EVC2: variants seen among roughly 807,000 people sequenced by gnomAD.
EVC2 encodes the protein EvC ciliary complex subunit 2.
EVC2 carries 148 observed loss-of-function variants against 149.3 expected under a neutral mutation model. That is an observed-to-expected ratio of 0.99 (90% confidence interval 0.87 to 1.14). The LOEUF (loss-of-function observed/expected upper bound fraction) is 1.14. EVC2 is among the 50% of genes most tolerant of loss of function. The pLI is 0.00. For synonymous variants in EVC2, 776 were observed against 649.9 expected, an observed-to-expected ratio of 1.19 and a Z score of -2.95; for missense variants, 1,854 against 1,627.3, an observed-to-expected ratio of 1.14 and a Z score of -2.40.
chr4:5,553,888 A>G (rs1402051660), intron 21 of EVC2, among the ~76,000 whole-genome samples: 1 of 152,232 alleles, frequency 6.6e-6, no homozygotes, highest in Non-Finnish European at 1.5e-5. Flanking sequence ...ATCCCCAGGC[A>G]TGCAAAGAAG....
chr4:5,688,285 G>A (rs1338493585), intron 5 of EVC2, among the ~76,000 whole-genome samples: 1 of 152,142 alleles, frequency 6.6e-6, no homozygotes, highest in Non-Finnish European at 1.5e-5. Context: ...GATGTGTGCC[G>A]TGAGTACGGA....
intron 16 of EVC2, among the ~76,000 whole-genome samples, chr4:5,599,753 C>T (rs1349260403): frequency 2.6e-5 from 4 of 152,074 alleles, no homozygotes; most frequent in South Asian, 2.1e-4. Context: ...CCCATTCTAG[C>T]GGCTGGTCCT....
chr4:5,615,332 A>C lies in EVC2; in HGVS notation c.2829+90T>G. 1.9e-6 allele frequency: 3 copies of C among 1,593,606 alleles called. No homozygotes were observed. The East Asian group carries it at 6.8e-5, about 36-fold the overall frequency. On this transcript the variant is annotated intron_variant, in intron 16 of 21. Transcript: ENST00000344408. ...GGGTGGAGATGGATGGCACAGCCCC[A>C]AGGGCTCTGTGTGCCTGCAAATGTG...
rs1712273734 is a variant in EVC2, at chr4:5,586,309, AG to A, written c.2830-1460del. Among the ~76,000 whole-genome samples the A allele has an allele frequency of 3.9e-5, 6 of 151,928 alleles. No individual in the cohort carries two copies. The South Asian group carries it at 8.3e-4, about 21-fold the overall frequency. ...GTTTTGTTATTTTAGTGGCTGCTTT[AG>A]GGTTTATAGTACACATCTTTGACTT... On this transcript the variant is annotated intron_variant, in intron 16 of 21. Transcript: ENST00000344408.
At chr4:5,554,116 A>G (rs1721789250) in intron 21 of EVC2, among the ~76,000 whole-genome samples, 1 of 152,226 alleles carries the variant, frequency 6.6e-6, no homozygotes, top group Non-Finnish European at 1.5e-5. Flanking sequence ...ACATGTTAAG[A>G]GCTGGGAAGT....
intron 10 of EVC2, among the ~76,000 whole-genome samples, chr4:5,632,993 G>A (rs1716663700): frequency 6.6e-6 from 1 of 152,192 alleles, no homozygotes; most frequent in African/African-American, 2.4e-5. Context: ...AGCTGAGGGT[G>A]TCTTGATGAT....
At chr4:5,584,511 C>G (rs905631528) in intron 17 of EVC2, 112 bp downstream of exon 17, 4 of 1,124,882 alleles carry the variant, frequency 3.6e-6, no homozygotes, top group Non-Finnish European at 3.9e-6. Context: ...CACCACAACC[C>G]CACAGCACAG....
Position 5,708,339 on chromosome 4 carries a change from C to G in EVC2, c.175G>C (p.Gly59Arg), listed in dbSNP as rs947670023. ...CTCCGCCCCGGAGGGATCCTCAGGCCGGGCCCAGACCTAGGAGCCACCTGG... is the reference window on the plus strand; with the variant it reads ...CTCCGCCCCGGAGGGATCCTCAGGCGGGGCCCAGACCTAGGAGCCACCTGG... Reference protein sequence around the residue: ...DPQVAPRSGPGLRIPPGRSGA... With the variant: ...DPQVAPRSGPRLRIPPGRSGA... Residue 59 changes from glycine (G) to arginine (R), a missense_variant, in exon 1 of 22, where the codon GGC becomes CGC. Transcript: ENST00000344408. 30 of 1,474,844 alleles carry G rather than the reference C, an allele frequency of 2.0e-5. No homozygotes were observed. Among genetic ancestry groups the G allele is most frequent in the Non-Finnish European group, 2.1e-5 (23 of 1,118,838 alleles). The allele number at this position is 1,474,844 out of a possible 1,614,324, so 91.4% of individuals were successfully genotyped here. A position where few individuals can be genotyped will look rare whatever the true frequency, so the allele number is the denominator to read the frequency against.
the EVC2 span, among the ~76,000 whole-genome samples, chr4:5,531,257 A>T: frequency 6.6e-6 from 1 of 152,156 alleles, no homozygotes; most frequent in Non-Finnish European, 1.5e-5. Flanking sequence ...GCTCCAGGGA[A>T]ACAGAACCAA....
intron 21 of EVC2, among the ~76,000 whole-genome samples, chr4:5,554,529 G>A (rs1721797335): frequency 6.6e-6 from 1 of 152,206 alleles, no homozygotes; most frequent in Non-Finnish European, 1.5e-5. Context: ...CTGGGAGAAA[G>A]AGTAGAAAAG....
rs1719032726 is a variant in EVC2 at position 5,663,346 on chromosome 4, AC to A, written c.1006-101del. The A allele has an allele frequency of 3.3e-6, 5 of 1,524,958 alleles. No homozygotes were observed. The Admixed American group carries it at 6.7e-5, about 21-fold the overall frequency. The allele number at this position is 1,524,958 out of a possible 1,614,324, so 94.5% of individuals were successfully genotyped here. A position where few individuals can be genotyped will look rare whatever the true frequency, so the allele number is the denominator to read the frequency against. On this transcript the variant is annotated intron_variant, in intron 8 of 21. Coordinates refer to ENST00000344408, the MANE Select transcript of EVC2 (RefSeq NM_147127.5). ...AAGGCCAGGGGTCTGCAGTCTGAGC[AC>A]CCAATCAGCCCCACCACTGTGACCA...
At chr4:5,534,371 G>C in the EVC2 span, among the ~76,000 whole-genome samples, 2 of 152,188 alleles carry the variant, frequency 1.3e-5, no homozygotes, top group Non-Finnish European at 2.9e-5. Context: ...GGATGGATGG[G>C]TGGATAGATG....
At position 5,563,045 on chromosome 4, in the gene EVC2, G is replaced by C. The variant is rs1313437564; in HGVS notation, c.3730C>G (p.Leu1244Val). The C allele has an allele frequency of 6.2e-7, 1 of 1,614,194 alleles. No individual in the cohort carries two copies. The highest frequency in any genetic ancestry group is 1.1e-5 in the South Asian group (1 of 91,088). Residue 1244 changes from leucine to valine, a missense_variant, in exon 22 of 22, where the codon CTG (leucine) becomes GTG (valine). Coordinates refer to ENST00000344408, the MANE Select transcript of EVC2 (RefSeq NM_147127.5). ...IFSGKGSWPHLSLEPIGELAP... is the reference protein window; with the variant it reads ...IFSGKGSWPHVSLEPIGELAP... ...AGTTCGCCAATGGGCTCCAGTGACA[G>C]GTGTGGCCAACTTCCTTTTCCAGAG...
intron 9 of EVC2, among the ~76,000 whole-genome samples, chr4:5,647,025 G>C (rs1172525494): frequency 6.6e-6 from 1 of 152,202 alleles, no homozygotes; most frequent in African/African-American, 2.4e-5. Flanking sequence ...TGCCACCTGT[G>C]GGGTAGAAAT....
rs1716698419 is a variant in EVC2 at position 5,633,562 on chromosome 4, G to A, written c.1471-1530C>T. Among the ~76,000 whole-genome samples, 1 of 152,226 alleles carries A rather than the reference G, an allele frequency of 6.6e-6. No homozygotes were observed. Among genetic ancestry groups the A allele is most frequent in the Non-Finnish European group, 1.5e-5 (1 of 68,034 alleles). ...TCTGAAACCACTCAAGGCAGTGACA[G>A]TGGAGCTTGTTGGTGAAGCGAAGGC... On this transcript the variant is annotated intron_variant, in intron 10 of 21. Transcript: ENST00000344408. The surrounding 1 kb of genome is among the most constrained non-coding windows in gnomAD (Gnocchi z 4.4).
intron 1 of EVC2, among the ~76,000 whole-genome samples, chr4:5,701,241 G>A (rs763278472): frequency 2.0e-5 from 3 of 152,040 alleles, no homozygotes; most frequent in Non-Finnish European, 4.4e-5. Flanking sequence ...CCACTTTTAC[G>A]GACCCTGATT....
chr4:5,694,863 T>C (rs1157578275), intron 2 of EVC2, among the ~76,000 whole-genome samples: 5 of 152,322 alleles, frequency 3.3e-5, no homozygotes, highest in Non-Finnish European at 7.4e-5. Context: ...CTGTGAGTCC[T>C]TGGGCATAAC....
At position 5,613,016 on chromosome 4, in the gene EVC2, G is replaced by A. The variant is rs1341400053; in HGVS notation, c.2829+2406C>T. Among the ~76,000 whole-genome samples the A allele has an allele frequency of 6.6e-6, 1 of 151,294 alleles. No homozygotes were observed. Among genetic ancestry groups the A allele is most frequent in the Non-Finnish European group, 1.5e-5 (1 of 67,794 alleles). The stretch of plus-strand genomic sequence containing the variant: ...CCAGGGAGGGGTTATGGAGGGTGTT[G>A]AGGTCCAGCCTTGAGCCACTGGGTG... On this transcript the variant is annotated intron_variant, in intron 16 of 21. Coordinates refer to ENST00000344408, the MANE Select transcript of EVC2 (RefSeq NM_147127.5). This position sits in a 1 kb window ranked among gnomAD's most constrained non-coding sequence, Gnocchi z 4.6.
chr4:5,673,039 T>C (rs1719752668), intron 7 of EVC2, among the ~76,000 whole-genome samples: 1 of 151,630 alleles, frequency 6.6e-6, no homozygotes, highest in African/African-American at 2.4e-5. Context: ...CCTTTCGGAG[T>C]GGGGAAAATG....
Sources: allele counts gnomAD v4.1 joint callset (sites outside exome capture counted in the v4.1 genomes callset), GRCh38; gene constraint gnomAD v4.1.1; non-coding constraint Gnocchi (gnomAD v3.1); transcripts MANE v1.5; gene names NCBI Gene and HGNC (gene_info 2026-07-23, HGNC 2026-07-21).